ANO5: variants seen among roughly 807,000 people sequenced by gnomAD.
ANO5 encodes anoctamin-5.
ANO5 carries 109 observed loss-of-function variants against 121.0 expected under a neutral mutation model. The ratio of observed to expected loss-of-function variants is 0.90; its 90% confidence interval spans 0.77 to 1.06. The LOEUF (loss-of-function observed/expected upper bound fraction) is 1.06, where lower values mean the gene tolerates loss of function less well. Ranked by LOEUF, ANO5 falls within the 50% of genes least tolerant of loss-of-function variation. ANO5 has a pLI of 0.00. For missense variants in ANO5, 1,064 were observed against 1,078.5 expected, an observed-to-expected ratio of 0.99 and a Z score of 0.19; for synonymous variants, 406 against 359.9, an observed-to-expected ratio of 1.13 and a Z score of -1.45.
At chr11:22,251,105 C>T in intron 12 of ANO5, 94 bp downstream of exon 12, 1 of 1,259,576 alleles carries the variant, frequency 7.9e-7, no homozygotes, top group Non-Finnish European at 1.1e-6. Flanking sequence ...ATCTTACATA[C>T]CAAATGTGGT....
intron 3 of ANO5, among the ~76,000 whole-genome samples, chr11:22,216,863 T>C (rs1449000319): frequency 6.6e-6 from 1 of 151,908 alleles, no homozygotes; most frequent in Non-Finnish European, 1.5e-5. Flanking sequence ...TGGCCCTGCA[T>C]GGTCCTTTAG....
At chr11:22,240,627 A>C (rs1006166796) in intron 9 of ANO5, among the ~76,000 whole-genome samples, 5 of 152,090 alleles carry the variant, frequency 3.3e-5, no homozygotes, top group African/African-American at 1.2e-4. Context: ...TTGAATAATA[A>C]TCATTTAATA....
At chr11:22,257,478 G>C (rs1038797606) in intron 13 of ANO5, among the ~76,000 whole-genome samples, 1 of 152,086 alleles carries the variant, frequency 6.6e-6, no homozygotes, top group Non-Finnish European at 1.5e-5. Context: ...TTCATATCAT[G>C]TGTAAGATAA....
intron 1 of ANO5, among the ~76,000 whole-genome samples, 178 bp downstream of exon 1, chr11:22,193,710 G>A (rs1851725991): frequency 6.6e-6 from 1 of 152,154 alleles, no homozygotes; most frequent in Admixed American, 6.5e-5. Flanking sequence ...CCCGCCTGGG[G>A]TGAGTGGGGT....
At chr11:22,238,168 A>G (rs1029216940) in intron 8 of ANO5, among the ~76,000 whole-genome samples, 1 of 152,078 alleles carries the variant, frequency 6.6e-6, no homozygotes. Context: ...TTAGGAGATT[A>G]TAGATTCTAA....
intron 1 of ANO5, among the ~76,000 whole-genome samples, chr11:22,201,388 AG>A (rs1291646054): frequency 1.3e-5 from 2 of 152,234 alleles, no homozygotes; most frequent in Admixed American, 1.3e-4. Context: ...AACCCTGACA[AG>A]TGCAAATAGA....
intron 2 of ANO5, among the ~76,000 whole-genome samples, chr11:22,207,414 G>T (rs1419320974): frequency 6.6e-6 from 1 of 152,058 alleles, no homozygotes; most frequent in Non-Finnish European, 1.5e-5. Context: ...AAATGATTTT[G>T]GACAAATGTG....
chr11:22,212,795 T>C (rs1852322240), intron 3 of ANO5, among the ~76,000 whole-genome samples: 1 of 151,596 alleles, frequency 6.6e-6, no homozygotes, highest in Admixed American at 6.6e-5. Context: ...TGTTCATATA[T>C]CTTGTCCATT....
upstream of ANO5, among the ~76,000 whole-genome samples, chr11:22,192,601 C>T (rs1851683028): frequency 6.6e-6 from 1 of 152,230 alleles, no homozygotes; most frequent in Non-Finnish European, 1.5e-5. Flanking sequence ...CCAAAAGTAA[C>T]TCCCAACTGG....
chr11:22,261,781 C>T (rs1211333335), intron 15 of ANO5: 7 of 258,656 alleles, frequency 2.7e-5, no homozygotes, highest in Admixed American at 1.0e-4. Context: ...TCCCTTGGCA[C>T]GTGGGAATTA....
chr11:22,227,668 G>A (rs1019010045), intron 7 of ANO5, 82 bp downstream of exon 7: 15 of 1,536,284 alleles, frequency 9.8e-6, no homozygotes, highest in South Asian at 4.5e-5. Context: ...TGCAGATGTC[G>A]TACCATTTCT....
At chr11:22,233,176 A>T (rs1164111687) in intron 7 of ANO5, among the ~76,000 whole-genome samples, 2 of 151,958 alleles carry the variant, frequency 1.3e-5, no homozygotes, top group African/African-American at 4.8e-5. Flanking sequence ...GCTTAGGCTA[A>T]ACTCCCATGG....
rs1036202051 is a variant in ANO5, at chr11:22,193,417, C to G, written c.-76C>G. On this transcript the variant is annotated 5_prime_UTR_variant, in exon 1 of 22. Coordinates refer to ENST00000324559, the MANE Select transcript of ANO5 (RefSeq NM_213599.3). ...CCACAGTCAGATTCAGCACCTGCCT[C>G]AGATCTCCACGTCTGTCTCAGCTGC... 2 of 1,562,866 alleles carry G rather than the reference C, an allele frequency of 1.3e-6. No homozygotes were observed. Among genetic ancestry groups the G allele is most frequent in the South Asian group, 2.3e-5 (2 of 85,114 alleles).
chr11:22,273,016 A>T (rs1564951498), intron 19 of ANO5, 27 bp downstream of exon 19: 7 of 1,598,156 alleles, frequency 4.4e-6, no homozygotes, highest in Non-Finnish European at 6.0e-6. Flanking sequence ...CGGTGGGGTG[A>T]CTTTGTATTT....
chr11:22,252,061 T>TAAAAAAAAAAA (rs1853843148), intron 12 of ANO5, among the ~76,000 whole-genome samples: 1 of 91,050 alleles, frequency 1.1e-5, no homozygotes, highest in African/African-American at 4.6e-5. Flanking sequence ...AAAAAAAAAC[T>TAAAAAAAAAAA]AGGCAAGGGC....
chr11:22,250,618 G>C (rs1564936048), intron 10 of ANO5, 123 bp from the exon 11 acceptor site: 1 of 1,093,228 alleles, frequency 9.1e-7, no homozygotes, highest in East Asian at 2.5e-5. Flanking sequence ...TATAGAAATT[G>C]CTGCTTGATT....
chr11:22,241,647 T>A (rs1021318610), intron 9 of ANO5, among the ~76,000 whole-genome samples: 6 of 152,108 alleles, frequency 3.9e-5, no homozygotes, highest in African/African-American at 1.2e-4. Flanking sequence ...GGATTAGTGA[T>A]GATGAGCATT....
chr11:22,195,604 A>AT (rs996745578), intron 1 of ANO5, among the ~76,000 whole-genome samples: 5 of 151,362 alleles, frequency 3.3e-5, no homozygotes, highest in Non-Finnish European at 5.9e-5. Context: ...GCTAATTATT[A>AT]TTTTTTTTAT....
chr11:22,259,027 G>A (rs958315933), intron 14 of ANO5, among the ~76,000 whole-genome samples: 3 of 151,610 alleles, frequency 2.0e-5, no homozygotes, highest in African/African-American at 7.3e-5. Flanking sequence ...CATCTACTAA[G>A]GAGGCTGAGG....
Sources: gnomAD v4.1 joint callset for allele counts (sites outside exome capture counted in the v4.1 genomes callset) on GRCh38, gnomAD v4.1.1 for gene constraint, MANE v1.5 for transcripts, NCBI Gene and HGNC (gene_info 2026-07-23, HGNC 2026-07-21) for gene names.